Variants in DCDC2 observed in about 807,000 individuals in gnomAD.
DCDC2 encodes the protein doublecortin domain containing 2, also known as doublecortin domain-containing protein 2.
A neutral mutation model predicts 50.2 loss-of-function variants in DCDC2; 40 were observed. That is an observed-to-expected ratio of 0.80 (90% confidence interval 0.62 to 1.04). The LOEUF (loss-of-function observed/expected upper bound fraction) is 1.04, where lower values mean the gene tolerates loss of function less well. Among genes scored for constraint, DCDC2 ranks in the 50% least tolerant of loss-of-function variants. DCDC2 has a pLI of 0.00. For missense variants in DCDC2, 570 were observed against 581.9 expected, an observed-to-expected ratio of 0.98 and a Z score of 0.21; for synonymous variants, 234 against 210.6, an observed-to-expected ratio of 1.11 and a Z score of -0.96.
intron 7 of DCDC2, among the ~76,000 whole-genome samples, chr6:24,212,158 G>A (rs1160301599): frequency 6.6e-6 from 1 of 152,154 alleles, no homozygotes; most frequent in Non-Finnish European, 1.5e-5. Flanking sequence ...TCTAACTAAT[G>A]TCTCATGATC....
At chr6:24,350,339 G>A (rs1760344616) in intron 2 of DCDC2, among the ~76,000 whole-genome samples, 1 of 152,170 alleles carries the variant, frequency 6.6e-6, no homozygotes, top group South Asian at 2.1e-4. Context: ...AAAGGAGAAG[G>A]AATAACTCCC....
At chr6:24,363,286 C>T in the DCDC2 span, among the ~76,000 whole-genome samples, 1 of 152,108 alleles carries the variant, frequency 6.6e-6, no homozygotes, top group South Asian at 2.1e-4. Context: ...TTGAGCCCAG[C>T]AGTTTGAGAC....
At chr6:24,297,826 T>C (rs930630921) in intron 4 of DCDC2, among the ~76,000 whole-genome samples, 9 of 152,212 alleles carry the variant, frequency 5.9e-5, no homozygotes, top group Non-Finnish European at 8.8e-5. Flanking sequence ...AATATTCTTA[T>C]AATCTTGGAG....
At chr6:24,211,933 G>A (rs1437723356) in intron 7 of DCDC2, among the ~76,000 whole-genome samples, 1 of 152,192 alleles carries the variant, frequency 6.6e-6, no homozygotes, top group Non-Finnish European at 1.5e-5. Context: ...TGCATGAGGA[G>A]GGGTCCCCAA....
At chr6:24,324,712 A>C (rs1223866101) in intron 2 of DCDC2, among the ~76,000 whole-genome samples, 1 of 152,016 alleles carries the variant, frequency 6.6e-6, no homozygotes, top group Non-Finnish European at 1.5e-5. Flanking sequence ...AGTAGACCCT[A>C]TCTCTACAAA....
At chr6:24,194,120 G>A (rs949868071) in intron 8 of DCDC2, among the ~76,000 whole-genome samples, 10 of 152,110 alleles carry the variant, frequency 6.6e-5, no homozygotes, top group African/African-American at 2.2e-4. Context: ...AGTACTCCAT[G>A]AGAAATAGCT....
chr6:24,316,352 C>G (rs1213764608), intron 2 of DCDC2, among the ~76,000 whole-genome samples: 1 of 152,072 alleles, frequency 6.6e-6, no homozygotes, highest in African/African-American at 2.4e-5. Flanking sequence ...TTCCAGAGGA[C>G]TCAGGAGAAA....
chr6:24,357,514 C>T lies in DCDC2; in HGVS notation c.237G>A (p.Gln79=). Residue 79 remains glutamine, a synonymous_variant, in exon 1 of 10, where the codon CAG becomes CAA. Transcript: ENST00000378454. ...CCACGTAATTGCCCCCGCTCTGGAT[C>T]TGGTCTAGCTTCCGGATTCGGTGGC... is the stretch of plus-strand genomic sequence containing the variant. ...RTGHRIRKLD[Q]IQSGGNYVAG... is the part of the protein sequence containing the mutation. The T allele has an allele frequency of 1.9e-6, 3 of 1,613,126 alleles. No individual in the cohort carries two copies. The highest frequency in any genetic ancestry group is 2.5e-6 in the Non-Finnish European group (3 of 1,179,704).
At chr6:24,225,839 ATTTAT>A (rs2113779184) in intron 7 of DCDC2, among the ~76,000 whole-genome samples, 1 of 152,278 alleles carries the variant, frequency 6.6e-6, no homozygotes, top group African/African-American at 2.4e-5. Flanking sequence ...ATAGCAACTG[ATTTAT>A]TTTAAAAATC....
chr6:24,177,032 A>G (rs950347821), intron 9 of DCDC2, among the ~76,000 whole-genome samples: 5 of 152,242 alleles, frequency 3.3e-5, no homozygotes, highest in Non-Finnish European at 7.3e-5. Flanking sequence ...GAATTAAGCT[A>G]GACCACTGGA....
intron 4 of DCDC2, 148 bp downstream of exon 4, chr6:24,301,567 T>A (rs907632230): frequency 1.1e-6 from 1 of 872,330 alleles, no homozygotes; most frequent in Non-Finnish European, 1.8e-6. Flanking sequence ...ATGAGGTATA[T>A]CTCCATTCTA....
At chr6:24,224,490 G>A (rs1445726659) in intron 7 of DCDC2, among the ~76,000 whole-genome samples, 3 of 152,174 alleles carry the variant, frequency 2.0e-5, no homozygotes, top group Non-Finnish European at 4.4e-5. Context: ...CTCTTTAACT[G>A]AAGCACTTGG....
In DCDC2 at chr6:24,326,194, A is replaced by G. The variant is rs377136913; in HGVS notation, c.349-24150T>C. ...GGAAGGAAGGAAGGAAGGAAGGAAGAAAGGAAGGAAGGAAAGAATGAAGGA... is the reference window on the plus strand; with the variant it reads ...GGAAGGAAGGAAGGAAGGAAGGAAGGAAGGAAGGAAGGAAAGAATGAAGGA... On this transcript the variant is annotated intron_variant, in intron 2 of 9. Transcript: ENST00000378454. Among the ~76,000 whole-genome samples, 38 of 72,410 alleles carry G rather than the reference A, an allele frequency of 5.2e-4. 2 individuals are homozygous for G. Among genetic ancestry groups the G allele is most frequent in the South Asian group, 1.0e-3 (2 of 1,956 alleles). The allele number at this position is 72,410 out of a possible 152,430, so 47.5% of individuals were successfully genotyped here.
intron 7 of DCDC2, among the ~76,000 whole-genome samples, chr6:24,233,516 TCA>T (rs1234877663): frequency 6.6e-6 from 1 of 152,226 alleles, no homozygotes; most frequent in African/African-American, 2.4e-5. Flanking sequence ...TCTTAAAATA[TCA>T]CAGAGTAGTC....
intron 2 of DCDC2, among the ~76,000 whole-genome samples, chr6:24,318,344 A>G (rs1416709770): frequency 6.6e-6 from 1 of 152,020 alleles, no homozygotes; most frequent in East Asian, 1.9e-4. Context: ...ATCTTTACAT[A>G]CCAATATGGA....
intron 8 of DCDC2, among the ~76,000 whole-genome samples, chr6:24,181,678 A>G (rs1761075411): frequency 6.6e-6 from 1 of 152,238 alleles, no homozygotes; most frequent in South Asian, 2.1e-4. Context: ...AAGAAAATTT[A>G]AAAGACATAA....
chr6:24,205,463 G>C (rs1244157076), intron 7 of DCDC2, among the ~76,000 whole-genome samples: 1 of 152,036 alleles, frequency 6.6e-6, no homozygotes, highest in Non-Finnish European at 1.5e-5. Context: ...CAGTGAAAAT[G>C]CTTGCTGCTT....
chr6:24,225,957 A>C (rs1762225522), intron 7 of DCDC2, among the ~76,000 whole-genome samples: 1 of 152,192 alleles, frequency 6.6e-6, no homozygotes, highest in African/African-American at 2.4e-5. Flanking sequence ...AACCATTTAC[A>C]TCTAATATTT....
intron 7 of DCDC2, among the ~76,000 whole-genome samples, chr6:24,245,417 G>A (rs1762649328): frequency 6.6e-6 from 1 of 152,162 alleles, no homozygotes; most frequent in Admixed American, 6.5e-5. Context: ...AAGAAAGCTT[G>A]GCATCTCTCT....
Sources: gnomAD v4.1 joint callset for allele counts (sites outside exome capture counted in the v4.1 genomes callset) on GRCh38, gnomAD v4.1.1 for gene constraint, MANE v1.5 for transcripts, NCBI Gene and HGNC (gene_info 2026-07-23, HGNC 2026-07-21) for gene names.